The following SMG6 variants were observed in gnomAD, a reference collection of about 807,000 sequenced individuals.
The protein encoded by SMG6 is telomerase-binding protein EST1A.
A neutral mutation model predicts 142.2 loss-of-function variants in SMG6; 66 were observed. That is an observed-to-expected ratio of 0.46 (90% CI 0.38 to 0.57). The LOEUF (loss-of-function observed/expected upper bound fraction) is 0.57, where lower values mean the gene tolerates loss of function less well. SMG6 is among the 20% of genes least tolerant of loss of function. The pLI, the probability that SMG6 is intolerant of heterozygous loss-of-function variation, is 0.00. For synonymous variants in SMG6, 779 were observed against 702.4 expected, an observed-to-expected ratio of 1.11 and a Z score of -1.72; for missense variants, 1,793 against 1,832.0, an observed-to-expected ratio of 0.98 and a Z score of 0.39.
intron 13 of SMG6, chr17:2,087,423 C>T (rs1421368383): frequency 4.2e-6 from 5 of 1,185,630 alleles, no homozygotes; most frequent in African/African-American, 3.2e-5. Context: ...AAGCCAACCC[C>T]GCTTTCCTAC....
At chr17:2,280,083 C>T (rs1453289653) in intron 8 of SMG6, among the ~76,000 whole-genome samples, 2 of 152,108 alleles carry the variant, frequency 1.3e-5, no homozygotes, top group African/African-American at 2.4e-5. Flanking sequence ...TCTCTATCCT[C>T]AATGCTTACT....
intron 8 of SMG6, chr17:2,255,627 G>GC (rs1451428824): frequency 2.5e-5 from 4 of 161,064 alleles, no homozygotes; most frequent in African/African-American, 9.6e-5. Flanking sequence ...CTGCCCGGCC[G>GC]CCCCTTCTGG....
At chr17:2,183,717 T>C in intron 12 of SMG6, among the ~76,000 whole-genome samples, 1 of 151,626 alleles carries the variant, frequency 6.6e-6, no homozygotes, top group African/African-American at 2.4e-5. Flanking sequence ...TGGGCCATGG[T>C]ATGCTGATCC....
Position 2,256,209 on chromosome 17 carries a change from A to G in SMG6, c.2662-11490T>C, listed in dbSNP as rs555560600. The G allele has an allele frequency of 9.8e-3, 1,475 of 150,646 alleles. 13 individuals carry two copies. The highest frequency in any genetic ancestry group is 0.015 in the Non-Finnish European group (997 of 67,714). 9.3% of individuals were successfully genotyped at this position (150,646 alleles called of 1,614,324 possible). ...ATAAATAAATAAATAAATAAGAAGA[A>G]AAAAAAAAAAGAAAACTTAGGGTTT... On this transcript the variant is annotated intron_variant, in intron 8 of 18. Coordinates refer to ENST00000263073, the MANE Select transcript of SMG6 (RefSeq NM_017575.5).
intron 15 of SMG6, among the ~76,000 whole-genome samples, chr17:2,075,485 C>T (rs538221937): frequency 4.6e-5 from 7 of 152,290 alleles, no homozygotes; most frequent in South Asian, 4.1e-4. Context: ...TGACCCCGCC[C>T]GACAGCAGCA....
At chr17:2,268,558 A>ATCT (rs1215725285) in intron 8 of SMG6, among the ~76,000 whole-genome samples, 9 of 151,242 alleles carry the variant, frequency 6.0e-5, no homozygotes, top group Non-Finnish European at 1.0e-4. Context: ...AGATCACTAG[A>ATCT]GGTCAGGAGT....
chr17:2,069,343 GTTA>G (rs1169101731), intron 15 of SMG6, among the ~76,000 whole-genome samples: 1 of 151,600 alleles, frequency 6.6e-6, no homozygotes, highest in Non-Finnish European at 1.5e-5. Context: ...AACAGAATCT[GTTA>G]TTTTGACTTA....
chr17:2,302,125 G>A (rs1434877003), intron 1 of SMG6, among the ~76,000 whole-genome samples: 2 of 151,932 alleles, frequency 1.3e-5, no homozygotes, highest in African/African-American at 2.4e-5. Context: ...TGGTGGTGCA[G>A]GTCTGTAATT....
In SMG6 at chr17:2,303,200, C is replaced by T. The variant is rs1254140120; in HGVS notation, c.88+433G>A. ...AGCAACGAAGTCGCAGGCTCTTAAA[C>T]CTTTCTCCCCAATTCCTTCTCTCCG... On this transcript the variant is annotated intron_variant, in intron 1 of 18. Coordinates refer to ENST00000263073, the MANE Select transcript of SMG6 (RefSeq NM_017575.5). 3 of 985,464 alleles carry T rather than the reference C, an allele frequency of 3.0e-6. No homozygotes were observed. The African/African-American group carries it at 5.2e-5, about 17-fold the overall frequency. The allele number at this position is 985,464 out of a possible 1,614,324, so 61.0% of individuals were successfully genotyped here. A position where few individuals can be genotyped will look rare whatever the true frequency, so the allele number is the denominator to read the frequency against.
At chr17:2,256,016 A>C (rs2151323590) in intron 8 of SMG6, 1 of 183,896 alleles carries the variant, frequency 5.4e-6, no homozygotes, top group Middle Eastern at 2.3e-3. Flanking sequence ...ATCACTCCCT[A>C]ATCTCAAATA....
intron 13 of SMG6, among the ~76,000 whole-genome samples, chr17:2,158,098 C>T (rs186750293): frequency 1.3e-5 from 2 of 152,246 alleles, no homozygotes; most frequent in East Asian, 3.9e-4. Context: ...TTTTAAATGG[C>T]ATGTGAGAAA....
chr17:2,099,000 G>GT (rs902852911), intron 13 of SMG6, among the ~76,000 whole-genome samples: 3 of 152,024 alleles, frequency 2.0e-5, no homozygotes, highest in Non-Finnish European at 2.9e-5. Context: ...AATCTGTCGT[G>GT]TTTTTTTCTC....
At chr17:2,078,571 C>T (rs191614268) in intron 15 of SMG6, among the ~76,000 whole-genome samples, 115 of 152,198 alleles carry the variant, frequency 7.6e-4, no homozygotes, top group African/African-American at 2.0e-3. Flanking sequence ...GAGGTTTCAT[C>T]ATGTTGGCCA....
rs1220542161 is a variant in SMG6 at position 2,065,472 on chromosome 17, T to C, written c.4043A>G (p.Gln1348Arg). ...IAFRSEDITG[Q>R]LGNNDDLILS... ...CTTCCTGCCACAGGGTCTCACCAGC[T>C]GGCCAGTGATGTCCTCACTGCGGAA... Residue 1348 changes from glutamine to arginine, a missense_variant, in exon 17 of 19, where the codon CAG becomes CGG. Gln to Arg is a conservative substitution (Grantham distance 43, BLOSUM62 1). This residue lies in a region of SMG6 where 179 missense variants were observed against 212.6 expected (regional missense o/e 0.84). Coordinates refer to ENST00000263073, the MANE Select transcript of SMG6 (RefSeq NM_017575.5). 3 of 1,612,080 alleles carry C rather than the reference T, an allele frequency of 1.9e-6. No individual in the cohort carries two copies. The highest frequency in any genetic ancestry group is 1.7e-5 in the Admixed American group (1 of 60,006).
intron 14 of SMG6, 167 bp from the exon 15 acceptor site, chr17:2,082,123 T>G: frequency 3.2e-6 from 2 of 633,462 alleles, no homozygotes; most frequent in Non-Finnish European, 2.7e-6. Context: ...AAAGGGAGGT[T>G]GACAAAAGCT....
At chr17:2,197,661 CA>C (rs1047062635) in intron 10 of SMG6, among the ~76,000 whole-genome samples, 3 of 147,484 alleles carry the variant, frequency 2.0e-5, no homozygotes, top group African/African-American at 7.5e-5. Context: ...AGAAAATGGG[CA>C]AAAAAAAAGA....
At chr17:2,195,049 C>G (rs1411631327) in intron 10 of SMG6, among the ~76,000 whole-genome samples, 1 of 152,174 alleles carries the variant, frequency 6.6e-6, no homozygotes, top group African/African-American at 2.4e-5. Flanking sequence ...AAGAGGCGGC[C>G]TGGGAAGTCT....
chr17:2,093,002 C>T (rs2068764639), intron 13 of SMG6, among the ~76,000 whole-genome samples: 1 of 152,070 alleles, frequency 6.6e-6, no homozygotes, highest in African/African-American at 2.4e-5. Context: ...CGAGATCAGC[C>T]CGGCCAACAT....
chr17:2,293,283 A>T (rs2075079376), intron 4 of SMG6, among the ~76,000 whole-genome samples: 1 of 152,182 alleles, frequency 6.6e-6, no homozygotes, highest in Non-Finnish European at 1.5e-5. Flanking sequence ...TAGTCAGGAG[A>T]TCTGACTCTA....
Sources: gnomAD v4.1 joint callset for allele counts (sites outside exome capture counted in the v4.1 genomes callset) on GRCh38, gnomAD v4.1.1 for gene constraint, gnomAD v4.1.1 regional missense constraint, MANE v1.5 for transcripts, NCBI Gene and HGNC (gene_info 2026-07-23, HGNC 2026-07-21) for gene names.